The following MGAT4C variants were observed in gnomAD, a reference collection of about 807,000 sequenced individuals.
MGAT4C encodes the protein MGAT4 family member C, also known as alpha-1,3-mannosyl-glycoprotein 4-beta-N-acetylglucosaminyltransferase C.
Under a neutral mutation model 40.1 loss-of-function variants are expected in MGAT4C, and 19 were observed. The observed-to-expected ratio is 0.47, with a 90% CI of 0.33 to 0.70. The LOEUF (loss-of-function observed/expected upper bound fraction) is 0.70, where lower values mean the gene tolerates loss of function less well. Ranked by LOEUF, MGAT4C falls within the 30% of genes least tolerant of loss-of-function variation. The pLI is 0.02. For synonymous variants in MGAT4C, 181 were observed against 187.1 expected (o/e 0.97, Z 0.27); for missense variants, 491 against 563.2 (o/e 0.87, Z 1.30).
chr12:86,050,286 A>T (rs931025437), intron 1 of MGAT4C, among the ~76,000 whole-genome samples: 52 of 152,130 alleles, frequency 3.4e-4, no homozygotes, highest in Admixed American at 2.6e-3. Flanking sequence ...TTTGCTATTG[A>T]ATGTCTGCCA....
intron 1 of MGAT4C, among the ~76,000 whole-genome samples, chr12:86,173,000 T>C (rs1195201796): frequency 6.6e-6 from 1 of 152,108 alleles, no homozygotes; most frequent in African/African-American, 2.4e-5. Flanking sequence ...GCCATGCAGA[T>C]ACAATTTTGA....
chr12:86,821,047 C>A (rs1952696724), intron 1 of MGAT4C, among the ~76,000 whole-genome samples: 3 of 150,906 alleles, frequency 2.0e-5, no homozygotes, highest in South Asian at 4.1e-4. Flanking sequence ...GGTGTGTAAT[C>A]TCTTTGGCAA....
In MGAT4C at chr12:86,521,915, G is replaced by T. The variant is rs112151307; in HGVS notation, c.-228-86650C>A. On this transcript the variant is annotated intron_variant, in intron 2 of 7. Transcript: ENST00000548651. ...TTTGGCTATTGGCTAGATTGTTGTT[G>T]TAGTGTAGGAATGCTAGTGATTTTG... Among the ~76,000 whole-genome samples, 507 of 152,170 alleles carry T rather than the reference G, an allele frequency of 3.3e-3. 1 individual carries two copies. Among genetic ancestry groups the T allele is most frequent in the African/African-American group, 0.012 (490 of 41,520 alleles).
At chr12:86,110,455 A>G (rs1047850148) in intron 1 of MGAT4C, among the ~76,000 whole-genome samples, 9 of 148,696 alleles carry the variant, frequency 6.1e-5, no homozygotes, top group Admixed American at 1.4e-4. Flanking sequence ...AAATTATTAT[A>G]TATGATGCCA....
intron 1 of MGAT4C, among the ~76,000 whole-genome samples, chr12:86,075,808 G>C (rs1869585533): frequency 6.6e-6 from 1 of 152,180 alleles, no homozygotes; most frequent in Middle Eastern, 3.2e-3. Flanking sequence ...CACAGCTGGA[G>C]CAACTGGGTC....
At chr12:86,084,473 G>T (rs926966269) in intron 1 of MGAT4C, among the ~76,000 whole-genome samples, 1 of 151,976 alleles carries the variant, frequency 6.6e-6, no homozygotes, top group Non-Finnish European at 1.5e-5. Flanking sequence ...CACATTTAGT[G>T]TTTCAAGAGA....
chr12:86,133,967 T>C (rs1251517105), intron 1 of MGAT4C, among the ~76,000 whole-genome samples: 1 of 152,078 alleles, frequency 6.6e-6, no homozygotes, highest in Non-Finnish European at 1.5e-5. Flanking sequence ...TTCCTAATTT[T>C]ACGTCACTAT....
chr12:86,390,228 G>T (rs1956139158), intron 3 of MGAT4C, among the ~76,000 whole-genome samples: 1 of 151,972 alleles, frequency 6.6e-6, no homozygotes, highest in African/African-American at 2.4e-5. Context: ...ACTTTGAGGT[G>T]GTTTGTAATA....
At chr12:85,981,749 T>G (rs1267322085) in intron 4 of MGAT4C, among the ~76,000 whole-genome samples, 1 of 152,190 alleles carries the variant, frequency 6.6e-6, no homozygotes, top group African/African-American at 2.4e-5. Flanking sequence ...ATGAGGTGAC[T>G]CATGCAAGGT....
chr12:86,441,604 T>G (rs1957229750), intron 2 of MGAT4C, among the ~76,000 whole-genome samples: 2 of 150,666 alleles, frequency 1.3e-5, no homozygotes, highest in South Asian at 4.3e-4. Context: ...AGTGTTTGGT[T>G]TTTTGTTCTT....
chr12:86,613,235 T>A (rs910551631), intron 2 of MGAT4C, among the ~76,000 whole-genome samples: 2 of 152,094 alleles, frequency 1.3e-5, no homozygotes, highest in Non-Finnish European at 2.9e-5. Context: ...AAGAAAAATT[T>A]AAAAAAATAG....
chr12:86,269,764 T>A (rs1457377958), intron 4 of MGAT4C, among the ~76,000 whole-genome samples: 1 of 152,146 alleles, frequency 6.6e-6, no homozygotes, highest in Non-Finnish European at 1.5e-5. Context: ...ACTATATTAA[T>A]GGAGGAAAGA....
intron 1 of MGAT4C, among the ~76,000 whole-genome samples, chr12:86,772,123 A>G (rs1951650218): frequency 6.6e-6 from 1 of 152,126 alleles, no homozygotes. Flanking sequence ...CTGAATGACC[A>G]TTTGCTAAAG....
chr12:85,999,723 AAC>A (rs376321757), intron 2 of MGAT4C, among the ~76,000 whole-genome samples: 20 of 152,272 alleles, frequency 1.3e-4, no homozygotes, highest in African/African-American at 4.8e-4. Flanking sequence ...CATTTGCAGC[AAC>A]ACAGATGAAA....
intron 2 of MGAT4C, among the ~76,000 whole-genome samples, chr12:86,012,927 C>G (rs1888650614): frequency 6.6e-6 from 1 of 151,218 alleles, no homozygotes; most frequent in Non-Finnish European, 1.5e-5. Flanking sequence ...TGTTTGCGAC[C>G]AGGGTGGGCA....
chr12:86,521,804 G>A (rs935492675), intron 2 of MGAT4C, among the ~76,000 whole-genome samples: 3 of 151,944 alleles, frequency 2.0e-5, no homozygotes, highest in Non-Finnish European at 2.9e-5. Context: ...AGTTCTCCAT[G>A]TAGAGATATT....
chr12:86,248,897 C>T (rs1250954140), intron 1 of MGAT4C, among the ~76,000 whole-genome samples: 3 of 152,056 alleles, frequency 2.0e-5, no homozygotes, highest in African/African-American at 7.2e-5. Flanking sequence ...TGCTCTGTTC[C>T]CATGCTGAGC....
chr12:86,024,691 T>A (rs1486064185), intron 2 of MGAT4C, among the ~76,000 whole-genome samples: 1 of 151,684 alleles, frequency 6.6e-6, no homozygotes, highest in Non-Finnish European at 1.5e-5. Flanking sequence ...ATAATTCAGA[T>A]AAAAGAAGAA....
chr12:86,488,466 C>G (rs1592907861), intron 2 of MGAT4C, among the ~76,000 whole-genome samples: 2 of 151,600 alleles, frequency 1.3e-5, no homozygotes, highest in Middle Eastern at 6.8e-3. Flanking sequence ...AACAAAACAT[C>G]ATTCACTAAT....
Sources: gnomAD v4.1 joint callset for allele counts (sites outside exome capture counted in the v4.1 genomes callset) on GRCh38, gnomAD v4.1.1 for gene constraint, MANE v1.5 for transcripts, NCBI Gene and HGNC (gene_info 2026-07-23, HGNC 2026-07-21) for gene names.